ZBTB17: variants seen among roughly 807,000 people sequenced by gnomAD.
The protein encoded by ZBTB17 is zinc finger and BTB domain containing 17.
A neutral mutation model predicts 85.1 loss-of-function variants in ZBTB17; 24 were observed. The ratio of observed to expected loss-of-function variants is 0.28; its 90% CI spans 0.20 to 0.40. ZBTB17 has a LOEUF of 0.40. Ranked by LOEUF, ZBTB17 falls within the 10% of genes least tolerant of loss-of-function variation. The probability of loss-of-function intolerance (pLI) is 1.00; values close to 1 mark genes in which losing one functional copy is unlikely to be tolerated. For missense variants in ZBTB17, 743 were observed against 1,105.1 expected, an observed-to-expected ratio of 0.67 and a Z score of 4.65; for synonymous variants, 464 against 460.2, an observed-to-expected ratio of 1.01 and a Z score of -0.11.
intron 2 of ZBTB17, among the ~76,000 whole-genome samples, chr1:15,949,076 CCT>C (rs2071729621): frequency 6.6e-6 from 1 of 152,164 alleles, no homozygotes; most frequent in Non-Finnish European, 1.5e-5. Context: ...CCTAGCTCTC[CCT>C]CTCTTTCTGA....
chr1:15,967,929 T>C (rs114835987), intron 2 of ZBTB17, among the ~76,000 whole-genome samples: 208 of 152,346 alleles, frequency 1.4e-3, no homozygotes, highest in Middle Eastern at 3.4e-3. Flanking sequence ...TACCCTATAC[T>C]GCAGGGGTTT....
Position 15,956,589 on chromosome 1 carries a change from T to A in ZBTB17, c.-2-8092A>T, listed in dbSNP as rs77700713. Among the ~76,000 whole-genome samples the A allele has an allele frequency of 1.5e-4, 23 of 152,258 alleles. No individual in the cohort carries two copies. The East Asian group carries it at 4.4e-3, about 29-fold the overall frequency. ...GTACATGGATGAGAAATTTCCCCAA[T>A]ATAGAGAAAATCAGTGGGGTGATAC... On this transcript the variant is annotated intron_variant, in intron 2 of 15. Transcript: ENST00000375743.
In ZBTB17 at chr1:15,948,507, G is replaced by A. The variant is rs1233992679; in HGVS notation, c.-2-10C>T. On this transcript the variant is annotated splice_polypyrimidine_tract_variant and intron_variant, in intron 2 of 15. Coordinates refer to ENST00000375743, the MANE Select transcript of ZBTB17 (RefSeq NM_003443.3). ...TGGGGAAAGTCCATGGCTGAAGAAA[G>A]CCAAAGGGCGTTGGGGTTAGCACGG... 4 of 1,611,976 alleles carry A rather than the reference G, an allele frequency of 2.5e-6. No homozygotes were observed. The highest frequency in any genetic ancestry group is 3.4e-6 in the Non-Finnish European group (4 of 1,178,724).
In ZBTB17 at chr1:15,943,422, G is replaced by A. The variant is rs371811410; in HGVS notation, c.1674C>T (p.Tyr558=). 9 of 1,606,822 alleles carry A rather than the reference G, an allele frequency of 5.6e-6. No individual in the cohort carries two copies. Among genetic ancestry groups the A allele is most frequent in the South Asian group, 1.1e-5 (1 of 90,042 alleles). ...HVRQHTGEKP[Y]VCERCGKRFV... The stretch of plus-strand genomic sequence containing the variant: ...ACCTCTTGCCGCAGCGCTCGCAGAC[G>A]TAGGGCTTCTCCCCGGTGTGCTGGC... The change falls in exon 12 of 16, where the codon TAC becomes TAT. Residue 558 remains tyrosine (Y), a synonymous_variant. Transcript: ENST00000375743.
chr1:15,947,203 C>G, intron 3 of ZBTB17, 80 bp from the exon 4 acceptor site: 5 of 1,416,452 alleles, frequency 3.5e-6, no homozygotes, highest in Non-Finnish European at 4.8e-6. Context: ...CACTCAGCAG[C>G]AGGACGCAGG....
At chr1:15,942,860 G>T in intron 13 of ZBTB17, 122 bp from the exon 14 acceptor site, 1 of 1,363,922 alleles carries the variant, frequency 7.3e-7, no homozygotes, top group Non-Finnish European at 1.0e-6. Flanking sequence ...CTCTGGGGTG[G>T]CTGCACGGGT....
intron 2 of ZBTB17, among the ~76,000 whole-genome samples, chr1:15,960,368 T>C (rs1557789431): frequency 6.6e-6 from 1 of 152,244 alleles, no homozygotes; most frequent in South Asian, 2.1e-4. Flanking sequence ...GCAAGGCTGA[T>C]AAATTATAGA....
Position 15,974,766 on chromosome 1 carries a change from G to T in ZBTB17, c.-90+1217C>A, listed in dbSNP as rs944675231. 3.3e-4 allele frequency among the ~76,000 whole-genome samples: 50 copies of T among 152,030 alleles called. 1 individual carries two copies. Among genetic ancestry groups the T allele is most frequent in the African/African-American group, 1.2e-3 (48 of 41,390 alleles). On this transcript the variant is annotated intron_variant, in intron 1 of 15. Transcript: ENST00000375743. The stretch of plus-strand genomic sequence containing the variant: ...ATTTTTGTATTTTTAGTAGAGACGG[G>T]GGTTTCACCATATTGGCCAGGCTGG...
At chr1:15,949,777 C>T (rs746961211) in intron 2 of ZBTB17, among the ~76,000 whole-genome samples, 3 of 152,246 alleles carry the variant, frequency 2.0e-5, no homozygotes, top group Non-Finnish European at 4.4e-5. Flanking sequence ...GAGGAAGCCA[C>T]GCCCCTCACA....
chr1:15,964,535 T>C lies in ZBTB17; in HGVS notation c.-3+8504A>G, dbSNP rs1357276023. Among the ~76,000 whole-genome samples, 1 of 152,058 alleles carries C rather than the reference T, an allele frequency of 6.6e-6. No homozygotes were observed. Among genetic ancestry groups the C allele is most frequent in the Non-Finnish European group, 1.5e-5 (1 of 68,014 alleles). On this transcript the variant is annotated intron_variant, in intron 2 of 15. Coordinates refer to ENST00000375743, the MANE Select transcript of ZBTB17 (RefSeq NM_003443.3). The surrounding 1 kb of genome is among the most constrained non-coding windows in gnomAD (Gnocchi z 4.3). ...GAATTCAAGACTAGCTTGGGCTACATGGTGAAACCCTGTCTCTACAAAAAA... is the reference window on the plus strand; with the variant it reads ...GAATTCAAGACTAGCTTGGGCTACACGGTGAAACCCTGTCTCTACAAAAAA...
intron 2 of ZBTB17, among the ~76,000 whole-genome samples, chr1:15,958,703 TG>T (rs1381172396): frequency 2.0e-5 from 3 of 152,032 alleles, no homozygotes; most frequent in Non-Finnish European, 4.4e-5. Flanking sequence ...GAGTGCTGAA[TG>T]GGGGCTGCCG....
chr1:15,957,491 G>A (rs1170465862), intron 2 of ZBTB17, among the ~76,000 whole-genome samples: 5 of 152,104 alleles, frequency 3.3e-5, no homozygotes, highest in Non-Finnish European at 5.9e-5. Context: ...AGCAGGGGCT[G>A]AGCTCGCCCA....
rs987877467 is a variant in ZBTB17, at chr1:15,970,146, C to A, written c.-3+2893G>T. The A allele has an allele frequency of 1.4e-5, 8 of 581,588 alleles. No homozygotes were observed. The East Asian group carries it at 2.5e-4, about 18-fold the overall frequency. The allele number at this position is 581,588 out of a possible 1,614,324, so 36.0% of individuals were successfully genotyped here. On this transcript the variant is annotated intron_variant, in intron 2 of 15. Transcript: ENST00000375743. The stretch of plus-strand genomic sequence containing the variant: ...TCATCATATGTACCTTTTGTCTTAT[C>A]AATTTCTTTACAATAGTAGGACTTC...
intron 2 of ZBTB17, among the ~76,000 whole-genome samples, chr1:15,956,684 T>TAC (rs956348076): frequency 6.6e-6 from 1 of 152,192 alleles, no homozygotes; most frequent in African/African-American, 2.4e-5. Context: ...AGGAAACAGA[T>TAC]ACATAGAGAG....
intron 2 of ZBTB17, among the ~76,000 whole-genome samples, chr1:15,955,257 C>T (rs191345649): frequency 8.1e-4 from 124 of 152,330 alleles, no homozygotes; most frequent in African/African-American, 2.8e-3. Flanking sequence ...ACCCCACCAA[C>T]CACCCCAGTT....
chr1:15,951,743 G>A lies in ZBTB17; in HGVS notation c.-2-3246C>T, dbSNP rs1426009723. Among the ~76,000 whole-genome samples, 1 of 152,138 alleles carries A rather than the reference G, an allele frequency of 6.6e-6. No individual in the cohort carries two copies. Among genetic ancestry groups the A allele is most frequent in the Non-Finnish European group, 1.5e-5 (1 of 68,022 alleles). On this transcript the variant is annotated intron_variant, in intron 2 of 15. Transcript: ENST00000375743. The surrounding 1 kb of genome is among the most constrained non-coding windows in gnomAD (Gnocchi z 4.1). ...GTTCCCCTCTTATCTATTCCTCAGCGACAGGAACCCAGCAGGACGGCCAGG... is the reference window on the plus strand; with the variant it reads ...GTTCCCCTCTTATCTATTCCTCAGCAACAGGAACCCAGCAGGACGGCCAGG...
intron 1 of ZBTB17, among the ~76,000 whole-genome samples, chr1:15,974,572 C>T (rs2072792346): frequency 6.9e-6 from 1 of 144,948 alleles, no homozygotes; most frequent in Non-Finnish European, 1.5e-5. Flanking sequence ...CTTGCTGCTG[C>T]TTTTTTTTTT....
In ZBTB17 at chr1:15,944,797, G is replaced by T; in HGVS notation, c.970C>A (p.His324Asn). Residue 324 changes from histidine (H) to asparagine (N), a missense_variant, in exon 8 of 16, where the codon CAC becomes AAC. Around this residue, in one of 4 missense-constraint regions of ZBTB17, gnomAD observed 321 missense variants for 615.7 expected, o/e 0.52. Coordinates refer to ENST00000375743, the MANE Select transcript of ZBTB17 (RefSeq NM_003443.3). The part of the protein sequence containing the change: ...EFTHTGNFKR[H>N]IRIHTGEKPF... ...TTCTCCCCCGTGTGGATGCGGATGT[G>T]CCGCTTGAAGTTCCCCGTGTGCGTG... 1 of 1,611,156 alleles carries T rather than the reference G, an allele frequency of 6.2e-7. No individual in the cohort carries two copies. The highest frequency in any genetic ancestry group is 1.1e-5 in the South Asian group (1 of 90,694).
Position 15,975,509 on chromosome 1 carries a change from G to C in ZBTB17, c.-90+474C>G, listed in dbSNP as rs545715189. On this transcript the variant is annotated intron_variant, in intron 1 of 15. Coordinates refer to ENST00000375743, the MANE Select transcript of ZBTB17 (RefSeq NM_003443.3). ...CGCAGTACGAATGAATGAATGAAAT[G>C]CTTTTATACAGGGACAGCGTCGGCC... 3.3e-5 allele frequency among the ~76,000 whole-genome samples: 5 copies of C among 152,320 alleles called. No individual in the cohort carries two copies. The South Asian group carries it at 1.0e-3, about 32-fold the overall frequency.
Sources: allele counts gnomAD v4.1 joint callset (sites outside exome capture counted in the v4.1 genomes callset), GRCh38; gene constraint gnomAD v4.1.1; regional missense constraint gnomAD v4.1.1; non-coding constraint Gnocchi (gnomAD v3.1); transcripts MANE v1.5; gene names NCBI Gene and HGNC (gene_info 2026-07-23, HGNC 2026-07-21).